Variants in SLC25A29 observed in about 807,000 individuals in gnomAD.
SLC25A29 encodes solute carrier family 25 member 29, also known as mitochondrial basic amino acids transporter.
In SLC25A29, 13 loss-of-function variants were observed where a neutral mutation model predicts 10.0. The observed-to-expected ratio is 1.30, with a 90% CI of 0.85 to 2.07. The LOEUF is 2.07. Ranked by LOEUF, SLC25A29 falls within the 30% of genes most tolerant of loss-of-function variation. The pLI, the probability that SLC25A29 is intolerant of heterozygous loss-of-function variation, is 0.00. For missense variants in SLC25A29, 475 were observed against 447.6 expected, an observed-to-expected ratio of 1.06 and a Z score of -0.55; for synonymous variants, 244 against 221.1, an observed-to-expected ratio of 1.10 and a Z score of -0.92.
intron 2 of SLC25A29, among the ~76,000 whole-genome samples, chr14:100,297,237 A>G (rs550709070): frequency 5.3e-5 from 8 of 152,356 alleles, no homozygotes; most frequent in Admixed American, 5.2e-4. Context: ...ACCACCCTCC[A>G]GACGCCAGTG....
intron 1 of SLC25A29, chr14:100,299,398 T>C: frequency 1.0e-6 from 1 of 995,692 alleles, no homozygotes; most frequent in Non-Finnish European, 1.2e-6. Context: ...TTTACCTCCC[T>C]CCCCCAGAGT....
chr14:100,299,723 A>C (rs1892414927), intron 1 of SLC25A29: 2 of 985,192 alleles, frequency 2.0e-6, no homozygotes, highest in South Asian at 9.4e-5. Flanking sequence ...TCACAGGAGA[A>C]ACAGGCTCAG....
chr14:100,285,246 G>A, the SLC25A29 span, among the ~76,000 whole-genome samples: 1 of 151,994 alleles, frequency 6.6e-6, no homozygotes, highest in East Asian at 1.9e-4. Context: ...GGGCAGCCCT[G>A]CCCGCCCCCA....
chr14:100,297,007 C>T (rs1270385840), intron 2 of SLC25A29, among the ~76,000 whole-genome samples: 4 of 151,948 alleles, frequency 2.6e-5, no homozygotes, highest in African/African-American at 7.3e-5. Flanking sequence ...GGGGGGGAAC[C>T]GAGGCAGGAG....
chr14:100,291,314 G>A lies in SLC25A29; in HGVS notation c.*969C>T, dbSNP rs9201. ...CACAGGGATGAAGCCCTGGCACTGA[G>A]AATGCCTGGGAGGCACCGTTTGCTG... On this transcript the variant is annotated 3_prime_UTR_variant, in exon 4 of 4. Transcript: ENST00000359232. 1 of 152,374 alleles carries A rather than the reference G, an allele frequency of 6.6e-6. No homozygotes were observed. The allele number at this position is 152,374 out of a possible 1,614,324, so 9.4% of individuals were successfully genotyped here.
chr14:100,293,247 G>A (rs1483300409), intron 3 of SLC25A29, 47 bp downstream of exon 3: 2 of 1,595,944 alleles, frequency 1.3e-6, no homozygotes, highest in Non-Finnish European at 1.7e-6. Flanking sequence ...CCGGAAGCTA[G>A]TTCCCCATCC....
At position 100,291,125 on chromosome 14, in the gene SLC25A29, A is replaced by G. The variant is rs1891660824; in HGVS notation, c.*1158T>C. The G allele has an allele frequency of 6.6e-6, 1 of 152,328 alleles. No homozygotes were observed. The highest frequency in any genetic ancestry group is 2.4e-5 in the African/African-American group (1 of 41,470). 9.4% of individuals were successfully genotyped at this position (152,328 alleles called of 1,614,324 possible). A position where few individuals can be genotyped will look rare whatever the true frequency, so the allele number is the denominator to read the frequency against. On this transcript the variant is annotated 3_prime_UTR_variant, in exon 4 of 4. Coordinates refer to ENST00000359232, the MANE Select transcript of SLC25A29 (RefSeq NM_001039355.3). ...AAGGCAGCCTCGCCACTTAAAAAACAAAGAACACTTTATTCCCTTGACAGT... is the reference window on the plus strand; with the variant it reads ...AAGGCAGCCTCGCCACTTAAAAAACGAAGAACACTTTATTCCCTTGACAGT...
rs1448712290 is a variant in SLC25A29 at position 100,292,976 on chromosome 14, G to A, written c.219C>T (p.Asn73=). The A allele has an allele frequency of 4.4e-6, 7 of 1,596,426 alleles. No individual in the cohort carries two copies. The African/African-American group carries it at 6.7e-5, about 15-fold the overall frequency. Reference sequence around the variant, plus strand: ...TGCCCTGCACCCCGAACACCAGCGCGTTGATGAAGGTGAGCCCCATGAGCG... The same window carrying A: ...TGCCCTGCACCCCGAACACCAGCGCATTGATGAAGGTGAGCCCCATGAGCG... The part of the protein sequence containing the change: ...GSPLMGLTFI[N]ALVFGVQGNT... The change falls in exon 4 of 4, where the codon AAC becomes AAT. Residue 73 remains asparagine, a synonymous_variant. Coordinates refer to ENST00000359232, the MANE Select transcript of SLC25A29 (RefSeq NM_001039355.3).
At chr14:100,278,662 C>G in the SLC25A29 span, 1 of 152,244 alleles carries the variant, frequency 6.6e-6, no homozygotes, top group Non-Finnish European at 1.5e-5. Context: ...CATGTCCTGA[C>G]TTCTGAAAGA....
At chr14:100,283,357 G>C in the SLC25A29 span, among the ~76,000 whole-genome samples, 1 of 152,186 alleles carries the variant, frequency 6.6e-6, no homozygotes, top group Admixed American at 6.5e-5. Flanking sequence ...ATGCTACTGA[G>C]GTGGCAAGTC....
At chr14:100,305,160 C>G (rs1892833960) in intron 1 of SLC25A29, 1 of 151,674 alleles carries the variant, frequency 6.6e-6, no homozygotes, top group African/African-American at 2.4e-5. Context: ...CAACACACTC[C>G]CTTTTCAACG....
At chr14:100,302,602 A>C (rs1047622884) in intron 1 of SLC25A29, among the ~76,000 whole-genome samples, 13 of 151,350 alleles carry the variant, frequency 8.6e-5, no homozygotes, top group Non-Finnish European at 1.5e-4. Flanking sequence ...TGATCCACCC[A>C]TCTCAGCCTC....
intron 1 of SLC25A29, among the ~76,000 whole-genome samples, chr14:100,303,964 T>C (rs1161707921): frequency 2.0e-5 from 3 of 152,140 alleles, no homozygotes; most frequent in East Asian, 3.9e-4. Context: ...GCCTCAAGAT[T>C]TGGGTTGATC....
intron 1 of SLC25A29, chr14:100,299,237 A>T (rs1892380789): frequency 5.3e-6 from 6 of 1,126,496 alleles, no homozygotes; most frequent in Non-Finnish European, 6.5e-6. Flanking sequence ...CCATTAATCC[A>T]AACACCTGAC....
chr14:100,284,389 T>A, the SLC25A29 span, among the ~76,000 whole-genome samples: 1 of 152,140 alleles, frequency 6.6e-6, no homozygotes, highest in African/African-American at 2.4e-5. Flanking sequence ...TGCCCGCCAT[T>A]GTGACCGTTC....
chr14:100,302,618 G>C (rs1892639620), intron 1 of SLC25A29, among the ~76,000 whole-genome samples: 1 of 152,132 alleles, frequency 6.6e-6, no homozygotes, highest in South Asian at 2.1e-4. Flanking sequence ...GCCTCCCGAA[G>C]TGCTGGGATT....
the SLC25A29 span, among the ~76,000 whole-genome samples, chr14:100,283,545 G>A: frequency 3.4e-5 from 5 of 148,556 alleles, no homozygotes; most frequent in South Asian, 2.2e-4. Context: ...GTGCAGTGGC[G>A]CGCAATCTCA....
intron 2 of SLC25A29, 49 bp downstream of exon 2, chr14:100,298,793 C>T (rs1892341548): frequency 6.2e-7 from 1 of 1,613,440 alleles, no homozygotes. Context: ...CCCTGTGAGC[C>T]TCTCTCCAAT....
chr14:100,296,118 G>C, intron 2 of SLC25A29: 1 of 987,650 alleles, frequency 1.0e-6, no homozygotes, highest in Non-Finnish European at 1.3e-6. Context: ...TATTCAACCA[G>C]GCAAAAGGGA....
Sources: gnomAD v4.1 joint callset for allele counts (sites outside exome capture counted in the v4.1 genomes callset) on GRCh38, gnomAD v4.1.1 for gene constraint, MANE v1.5 for transcripts, NCBI Gene and HGNC (gene_info 2026-07-23, HGNC 2026-07-21) for gene names.